The following TRABD2A variants were observed in gnomAD, a reference collection of about 807,000 sequenced individuals.
The protein encoded by TRABD2A is metalloprotease TIKI1.
TRABD2A carries 43 observed loss-of-function variants against 45.6 expected under a neutral mutation model. The ratio of observed to expected loss-of-function variants is 0.94; its 90% CI spans 0.74 to 1.22. TRABD2A has a LOEUF of 1.22. Among genes scored for constraint, TRABD2A ranks in the 50% most tolerant of loss-of-function variants. TRABD2A has a pLI of 0.00. For synonymous variants in TRABD2A, 269 were observed against 265.0 expected (o/e 1.02, Z -0.15); for missense variants, 642 against 652.4 (o/e 0.98, Z 0.17).
chr2:84,867,462 G>T (rs1682718064), intron 2 of TRABD2A, among the ~76,000 whole-genome samples: 1 of 152,106 alleles, frequency 6.6e-6, no homozygotes, highest in Non-Finnish European at 1.5e-5. Context: ...TTAAATGTTA[G>T]ACCTAAAACC....
intron 5 of TRABD2A, among the ~76,000 whole-genome samples, chr2:84,827,150 A>C (rs1442682839): frequency 1.3e-5 from 2 of 152,194 alleles, no homozygotes; most frequent in Admixed American, 1.3e-4. Context: ...GGATTCTCAC[A>C]GTTTAGCTAA....
In TRABD2A at chr2:84,830,651, C is replaced by T. The variant is rs1308362626; in HGVS notation, c.1082+1404G>A. ...GAAAATGAGCAGTCTCACATCAGCG[C>T]TTCTGTAAACTAGAAAGTGCTCTGT... On this transcript the variant is annotated intron_variant, in intron 5 of 6. Transcript: ENST00000409520. The surrounding 1 kb of genome is among the most constrained non-coding windows in gnomAD (Gnocchi z 4.9). Among the ~76,000 whole-genome samples the T allele has an allele frequency of 6.6e-6, 1 of 152,150 alleles. No individual in the cohort carries two copies. Among genetic ancestry groups the T allele is most frequent in the Non-Finnish European group, 1.5e-5 (1 of 68,026 alleles).
At chr2:84,839,026 G>T (rs1681614622) in intron 4 of TRABD2A, 123 bp downstream of exon 4, 2 of 1,102,464 alleles carry the variant, frequency 1.8e-6, no homozygotes, top group Middle Eastern at 3.0e-4. Context: ...GTCAAGGAAG[G>T]TGTCACTCCC....
chr2:84,840,392 A>G (rs1244799332), intron 3 of TRABD2A, among the ~76,000 whole-genome samples: 1 of 152,134 alleles, frequency 6.6e-6, no homozygotes, highest in Non-Finnish European at 1.5e-5. Flanking sequence ...GCAGCGTCAG[A>G]TACACAGGGT....
intron 2 of TRABD2A, chr2:84,843,571 A>T (rs1366916042): frequency 6.6e-6 from 1 of 152,478 alleles, no homozygotes; most frequent in African/African-American, 2.4e-5. Context: ...ATTTCTCACC[A>T]TTCTGGAGGC....
chr2:84,866,365 G>GA (rs918848883), intron 2 of TRABD2A, among the ~76,000 whole-genome samples: 24 of 151,772 alleles, frequency 1.6e-4, no homozygotes, highest in Non-Finnish European at 2.4e-4. Flanking sequence ...CATTAAAAAA[G>GA]AAAAAAAATC....
intron 5 of TRABD2A, 33 bp from the exon 6 acceptor site, chr2:84,824,237 G>C: frequency 1.2e-6 from 2 of 1,612,298 alleles, no homozygotes; most frequent in Non-Finnish European, 1.7e-6. Flanking sequence ...GGTATTTGGA[G>C]GAGGGTCACA....
intron 2 of TRABD2A, among the ~76,000 whole-genome samples, chr2:84,846,518 G>C (rs774882198): frequency 1.3e-5 from 2 of 152,214 alleles, no homozygotes; most frequent in Non-Finnish European, 2.9e-5. Context: ...AGAAGAGCAA[G>C]GATCCTGCCC....
At chr2:84,848,433 G>A (rs375058166) in intron 2 of TRABD2A, among the ~76,000 whole-genome samples, 11 of 150,992 alleles carry the variant, frequency 7.3e-5, no homozygotes, top group African/African-American at 2.2e-4. Context: ...CTCCACTTTC[G>A]TTTTGCTGCT....
chr2:84,855,076 C>T (rs1682229922), intron 2 of TRABD2A, among the ~76,000 whole-genome samples: 1 of 152,104 alleles, frequency 6.6e-6, no homozygotes, highest in Admixed American at 6.5e-5. Context: ...GGACACCTGA[C>T]TCGATGATAT....
intron 4 of TRABD2A, chr2:84,834,939 A>C (rs570455078): frequency 6.6e-6 from 1 of 152,300 alleles, no homozygotes; most frequent in East Asian, 1.9e-4. Flanking sequence ...TGGTAGCCCC[A>C]TGTTTAATTT....
intron 2 of TRABD2A, among the ~76,000 whole-genome samples, chr2:84,867,669 T>C (rs562858133): frequency 5.3e-5 from 8 of 152,018 alleles, no homozygotes; most frequent in African/African-American, 1.9e-4. Flanking sequence ...TGGGAGAAAA[T>C]TTTTGCAATC....
chr2:84,880,596 A>C (rs1333416266), intron 1 of TRABD2A, among the ~76,000 whole-genome samples: 3 of 152,254 alleles, frequency 2.0e-5, no homozygotes, highest in Non-Finnish European at 4.4e-5. Context: ...AAATGTGCCC[A>C]AGTTCCTGGT....
intron 2 of TRABD2A, among the ~76,000 whole-genome samples, chr2:84,843,246 T>G (rs966786960): frequency 1.3e-5 from 2 of 152,094 alleles, no homozygotes; most frequent in African/African-American, 4.8e-5. Flanking sequence ...ATCTCCTCAC[T>G]CTTTGCTGCA....
intron 5 of TRABD2A, among the ~76,000 whole-genome samples, chr2:84,825,115 A>G (rs1198258932): frequency 2.0e-5 from 3 of 152,194 alleles, no homozygotes; most frequent in African/African-American, 7.2e-5. Context: ...TGATGTAGGT[A>G]GGTAGTGAGA....
At chr2:84,880,073 AT>A (rs1683152980) in intron 1 of TRABD2A, among the ~76,000 whole-genome samples, 1 of 151,206 alleles carries the variant, frequency 6.6e-6, no homozygotes, top group Admixed American at 6.6e-5. Context: ...GGACGCACAG[AT>A]ATCAAACCCA....
intron 2 of TRABD2A, among the ~76,000 whole-genome samples, chr2:84,848,345 G>C (rs909689161): frequency 1.2e-3 from 147 of 124,192 alleles, no homozygotes; most frequent in African/African-American, 3.8e-3. Context: ...TAGATAGATA[G>C]ATAGATAGAT....
At chr2:84,829,342 G>A (rs1277347811) in intron 5 of TRABD2A, among the ~76,000 whole-genome samples, 1 of 147,492 alleles carries the variant, frequency 6.8e-6, no homozygotes, top group East Asian at 1.9e-4. Context: ...GGCAGAATTA[G>A]GGAGCCTGGG....
chr2:84,869,835 C>T (rs753788283), intron 2 of TRABD2A, among the ~76,000 whole-genome samples: 2 of 151,828 alleles, frequency 1.3e-5, no homozygotes, highest in Non-Finnish European at 2.9e-5. Context: ...AAAAAGTAGT[C>T]GGGCGTGGTA....
Sources: allele counts gnomAD v4.1 joint callset (sites outside exome capture counted in the v4.1 genomes callset), GRCh38; gene constraint gnomAD v4.1.1; non-coding constraint Gnocchi (gnomAD v3.1); transcripts MANE v1.5; gene names NCBI Gene and HGNC (gene_info 2026-07-23, HGNC 2026-07-21).